PUS7: variants seen among roughly 807,000 people sequenced by gnomAD.
PUS7 encodes pseudouridylate synthase 7 homolog.
PUS7 carries 48 observed loss-of-function variants against 79.8 expected under a neutral mutation model. The observed-to-expected ratio is 0.60, with a 90% CI of 0.48 to 0.76. The LOEUF is 0.76. PUS7 is among the 30% of genes least tolerant of loss of function. PUS7 has a pLI of 0.00. For missense variants in PUS7, 729 were observed against 797.6 expected (o/e 0.91, Z 1.04); for synonymous variants, 286 against 272.2 (o/e 1.05, Z -0.50).
rs116982390 is a variant in PUS7 at position 105,469,234 on chromosome 7, C to T, written c.1399-771G>A. The stretch of plus-strand genomic sequence containing the variant: ...CTTCTACTTTAATCTCTCATTTTTT[C>T]TTTTTCTTTTTAATCTCTCATTTTT... On this transcript the variant is annotated intron_variant, in intron 11 of 15. Transcript: ENST00000469408. Among the ~76,000 whole-genome samples, 103 of 151,942 alleles carry T rather than the reference C, an allele frequency of 6.8e-4. No homozygotes were observed. The East Asian group carries it at 0.02, about 29-fold the overall frequency.
intron 13 of PUS7, among the ~76,000 whole-genome samples, chr7:105,464,555 C>A (rs1246899181): frequency 1.3e-5 from 2 of 152,202 alleles, no homozygotes; most frequent in African/African-American, 4.8e-5. Flanking sequence ...AGATGCCCTT[C>A]TTCGCCTGTC....
intron 7 of PUS7, among the ~76,000 whole-genome samples, chr7:105,483,463 C>G (rs1017121783): frequency 6.6e-6 from 1 of 150,858 alleles, no homozygotes; most frequent in African/African-American, 2.4e-5. Context: ...CCGTGCCCAG[C>G]TAATTTTTAT....
chr7:105,502,852 A>G (rs192964379), intron 4 of PUS7, among the ~76,000 whole-genome samples: 1 of 152,182 alleles, frequency 6.6e-6, no homozygotes, highest in African/African-American at 2.4e-5. Context: ...GGCTCACAAC[A>G]CCAAGCCTGG....
At chr7:105,505,764 G>A (rs1336161696) in intron 4 of PUS7, among the ~76,000 whole-genome samples, 191 bp downstream of exon 4, 2 of 152,054 alleles carry the variant, frequency 1.3e-5, no homozygotes, top group South Asian at 2.1e-4. Context: ...CTTTGGGGGG[G>A]GCTATAGTTT....
intron 1 of PUS7, among the ~76,000 whole-genome samples, chr7:105,520,669 C>T (rs1270601380): frequency 1.3e-5 from 2 of 152,146 alleles, no homozygotes; most frequent in Non-Finnish European, 2.9e-5. Context: ...TTGCAGTGAG[C>T]CAAGATCGTG....
At chr7:105,485,283 C>T (rs374934001) in intron 7 of PUS7, among the ~76,000 whole-genome samples, 2 of 152,226 alleles carry the variant, frequency 1.3e-5, no homozygotes, top group Admixed American at 1.3e-4. Context: ...GATCTTGGCT[C>T]ACTGCAACCT....
At chr7:105,485,611 G>C (rs1295359324) in intron 7 of PUS7, among the ~76,000 whole-genome samples, 1 of 152,160 alleles carries the variant, frequency 6.6e-6, no homozygotes, top group East Asian at 1.9e-4. Context: ...ACACTTAAAT[G>C]GTTTTTTAGA....
At chr7:105,515,058 T>C (rs551947658) in intron 1 of PUS7, among the ~76,000 whole-genome samples, 1 of 152,298 alleles carries the variant, frequency 6.6e-6, no homozygotes, top group Non-Finnish European at 1.5e-5. Flanking sequence ...CCTCCCAAAG[T>C]GCTGGGATTA....
chr7:105,496,541 C>T (rs1247612478), intron 5 of PUS7, among the ~76,000 whole-genome samples: 1 of 152,222 alleles, frequency 6.6e-6, no homozygotes, highest in East Asian at 1.9e-4. Context: ...ACTCATGAAT[C>T]CCTTATCTTC....
intron 6 of PUS7, among the ~76,000 whole-genome samples, chr7:105,493,883 T>A (rs1216176564): frequency 6.6e-6 from 1 of 152,232 alleles, no homozygotes; most frequent in Non-Finnish European, 1.5e-5. Flanking sequence ...AGCCACCTGA[T>A]CTGTGGTATT....
chr7:105,490,156 A>G (rs1824723638), intron 7 of PUS7, among the ~76,000 whole-genome samples: 2 of 151,970 alleles, frequency 1.3e-5, no homozygotes, highest in African/African-American at 4.8e-5. Context: ...AAATACATGT[A>G]TTTAAGTAGA....
intron 7 of PUS7, among the ~76,000 whole-genome samples, chr7:105,486,798 G>A (rs928070386): frequency 6.6e-6 from 1 of 151,752 alleles, no homozygotes; most frequent in African/African-American, 2.4e-5. Flanking sequence ...GGTGGCTCAC[G>A]CCTGTAATCC....
chr7:105,466,353 G>A (rs1039447641), intron 12 of PUS7, among the ~76,000 whole-genome samples: 2 of 151,904 alleles, frequency 1.3e-5, no homozygotes, highest in African/African-American at 4.8e-5. Context: ...AACCTCCTGG[G>A]CTCAAGTGAT....
chr7:105,486,202 G>A (rs1311257748), intron 7 of PUS7, among the ~76,000 whole-genome samples: 1 of 151,836 alleles, frequency 6.6e-6, no homozygotes, highest in East Asian at 1.9e-4. Flanking sequence ...ACAGACGCCT[G>A]CCACCAAGCC....
chr7:105,467,034 G>GTTTTT lies in PUS7; in HGVS notation c.1525+1298_1525+1302dup, dbSNP rs56177512. Among the ~76,000 whole-genome samples the GTTTTT allele has an allele frequency of 1.7e-4, 12 of 70,694 alleles. 1 individual carries two copies. The highest frequency in any genetic ancestry group is 1.3e-3 in the East Asian group (2 of 1,564). The allele number at this position is 70,694 out of a possible 152,430, so 46.4% of individuals were successfully genotyped here. A position where few individuals can be genotyped will look rare whatever the true frequency, so the allele number is the denominator to read the frequency against. On this transcript the variant is annotated intron_variant, in intron 12 of 15. Coordinates refer to ENST00000469408, the MANE Select transcript of PUS7 (RefSeq NM_019042.5). Reference sequence around the variant, plus strand: ...AGAACTCTGAATCCCAGTTTTTTCTGTTTTTTTTTTTTTTTTTTTTTTTTT... The same window carrying GTTTTT: ...AGAACTCTGAATCCCAGTTTTTTCTGTTTTTTTTTTTTTTTTTTTTTTTTTTTTTT...
At chr7:105,493,945 G>A (rs1824901139) in intron 6 of PUS7, among the ~76,000 whole-genome samples, 1 of 152,210 alleles carries the variant, frequency 6.6e-6, no homozygotes, top group Non-Finnish European at 1.5e-5. Context: ...TTTAAAATGA[G>A]TTAAATATAT....
In PUS7 at chr7:105,459,567, A is replaced by T. The variant is rs530864551; in HGVS notation, c.1758-308T>A. Among the ~76,000 whole-genome samples, 156 of 151,604 alleles carry T rather than the reference A, an allele frequency of 1.0e-3. 1 individual carries two copies. The highest frequency in any genetic ancestry group is 3.7e-3 in the African/African-American group (153 of 41,296). ...ATTCTCCTGCCTCAGTCTCACAAGTAGCTGGGACTATAGGTGTCTGCCACC... is the reference window on the plus strand; with the variant it reads ...ATTCTCCTGCCTCAGTCTCACAAGTTGCTGGGACTATAGGTGTCTGCCACC... On this transcript the variant is annotated intron_variant, in intron 14 of 15. Coordinates refer to ENST00000469408, the MANE Select transcript of PUS7 (RefSeq NM_019042.5).
At chr7:105,505,760 G>T (rs570608770) in intron 4 of PUS7, among the ~76,000 whole-genome samples, 195 bp downstream of exon 4, 13 of 152,172 alleles carry the variant, frequency 8.5e-5, no homozygotes, top group African/African-American at 2.4e-4. Context: ...GTAACTTTGG[G>T]GGGGGCTATA....
chr7:105,518,352 G>A (rs1183700027), intron 1 of PUS7, among the ~76,000 whole-genome samples: 1 of 151,890 alleles, frequency 6.6e-6, no homozygotes, highest in Non-Finnish European at 1.5e-5. Context: ...CAAAAATTAA[G>A]TTTAGCATTT....
Sources: allele counts gnomAD v4.1 joint callset (sites outside exome capture counted in the v4.1 genomes callset), GRCh38; gene constraint gnomAD v4.1.1; transcripts MANE v1.5; gene names NCBI Gene and HGNC (gene_info 2026-07-23, HGNC 2026-07-21).